Variants in GSG1L observed in about 807,000 individuals in gnomAD.
GSG1L encodes germ cell-specific gene 1-like protein.
GSG1L carries 24 observed loss-of-function variants against 42.1 expected under a neutral mutation model. The observed-to-expected ratio is 0.57, with a 90% CI of 0.41 to 0.80. GSG1L has a LOEUF of 0.80. Among genes scored for constraint, GSG1L ranks in the 30% least tolerant of loss-of-function variants. The pLI is 0.00. For synonymous variants in GSG1L, 215 were observed against 203.5 expected (o/e 1.06, Z -0.48); for missense variants, 445 against 472.2 (o/e 0.94, Z 0.53).
At chr16:27,943,389 C>T (rs2084822905) in intron 2 of GSG1L, among the ~76,000 whole-genome samples, 1 of 151,734 alleles carries the variant, frequency 6.6e-6, no homozygotes, top group Non-Finnish European at 1.5e-5. Flanking sequence ...CAGAATATTA[C>T]ATAACAATGA....
At chr16:27,873,395 G>A (rs994924080) in intron 3 of GSG1L, among the ~76,000 whole-genome samples, 1 of 152,200 alleles carries the variant, frequency 6.6e-6, no homozygotes. Context: ...ATCTGCCCCA[G>A]CTGCTGGTGG....
chr16:27,983,749 T>C (rs1052049051), intron 1 of GSG1L, among the ~76,000 whole-genome samples: 2 of 152,078 alleles, frequency 1.3e-5, no homozygotes, highest in African/African-American at 4.8e-5. Flanking sequence ...GAAAGAGAAA[T>C]CAAAATGGGG....
intron 2 of GSG1L, among the ~76,000 whole-genome samples, chr16:27,901,850 C>T (rs536406450): frequency 2.0e-5 from 3 of 152,242 alleles, no homozygotes; most frequent in African/African-American, 7.2e-5. Context: ...TCCCCTGTCC[C>T]TCCACACTCC....
intron 1 of GSG1L, among the ~76,000 whole-genome samples, chr16:27,993,999 G>A (rs1181380439): frequency 5.3e-5 from 8 of 152,254 alleles, no homozygotes; most frequent in South Asian, 2.1e-4. Context: ...GCATTCAACC[G>A]TAAAAACAGC....
intron 6 of GSG1L, among the ~76,000 whole-genome samples, chr16:27,800,060 A>G (rs1232942726): frequency 6.6e-6 from 1 of 152,106 alleles, no homozygotes; most frequent in Non-Finnish European, 1.5e-5. Flanking sequence ...CGAGCTCTCC[A>G]TGTGTCTCTG....
At chr16:28,011,812 GCTT>G (rs1343347490) in intron 1 of GSG1L, among the ~76,000 whole-genome samples, 2 of 152,180 alleles carry the variant, frequency 1.3e-5, no homozygotes, top group Admixed American at 6.5e-5. Flanking sequence ...AGGACAGAAA[GCTT>G]CTATTTCGCT....
At chr16:27,869,022 A>G (rs74015114) in intron 3 of GSG1L, among the ~76,000 whole-genome samples, 2,460 of 152,144 alleles carry the variant, frequency 0.016, 64 homozygotes, top group African/African-American at 0.056. Flanking sequence ...TAAGAGGCAG[A>G]GGGAGGAGGG....
intron 1 of GSG1L, 101 bp from the exon 2 acceptor site, chr16:27,963,304 C>T (rs1192580264): frequency 1.0e-5 from 10 of 973,914 alleles, no homozygotes; most frequent in Admixed American, 9.6e-5. Context: ...GCCAGTGTCT[C>T]TGACCCAAGC....
intron 1 of GSG1L, among the ~76,000 whole-genome samples, chr16:27,974,888 C>T (rs79873975): frequency 0.011 from 1,682 of 151,966 alleles, 26 homozygotes; most frequent in African/African-American, 0.039. Flanking sequence ...TGAAGACCGA[C>T]GAGTGAAGAA....
intron 1 of GSG1L, among the ~76,000 whole-genome samples, chr16:27,996,425 G>A (rs1371210449): frequency 7.2e-6 from 1 of 139,818 alleles, no homozygotes; most frequent in Admixed American, 7.3e-5. Context: ...CAAAGGACTG[G>A]AAATAACCTA....
intron 5 of GSG1L, chr16:27,823,925 G>A (rs747829122): frequency 4.4e-5 from 31 of 702,866 alleles, no homozygotes; most frequent in Non-Finnish European, 6.2e-5. Flanking sequence ...CCTGTAAAAT[G>A]GAGGTGACAA....
chr16:28,036,990 A>T (rs931472469), intron 1 of GSG1L, among the ~76,000 whole-genome samples: 9 of 151,920 alleles, frequency 5.9e-5, no homozygotes, highest in African/African-American at 2.2e-4. Context: ...CTTCACAGGG[A>T]CAACTTTATC....
chr16:27,942,568 G>C (rs746064624), intron 2 of GSG1L, among the ~76,000 whole-genome samples: 1 of 152,066 alleles, frequency 6.6e-6, no homozygotes, highest in Non-Finnish European at 1.5e-5. Context: ...CCTATAAATC[G>C]GTAAGAAAAA....
At chr16:27,843,066 G>A (rs776352308) in intron 4 of GSG1L, among the ~76,000 whole-genome samples, 1 of 152,166 alleles carries the variant, frequency 6.6e-6, no homozygotes, top group African/African-American at 2.4e-5. Context: ...CTGTTGCAAC[G>A]CTGTCTCAGC....
intron 4 of GSG1L, among the ~76,000 whole-genome samples, chr16:27,837,853 CTT>C (rs199778968): frequency 5.7e-5 from 8 of 141,100 alleles, no homozygotes; most frequent in Non-Finnish European, 9.3e-5. Flanking sequence ...TTAGTTGGGC[CTT>C]TTTTTTTTTT....
chr16:27,938,068 A>G (rs968448891), intron 2 of GSG1L, among the ~76,000 whole-genome samples: 4 of 152,084 alleles, frequency 2.6e-5, no homozygotes, highest in African/African-American at 9.7e-5. Context: ...GTCCAGTTGG[A>G]GCCGGGTCCA....
chr16:27,827,661 G>A (rs1185790805), intron 5 of GSG1L, among the ~76,000 whole-genome samples: 1 of 152,180 alleles, frequency 6.6e-6, no homozygotes, highest in Non-Finnish European at 1.5e-5. Context: ...CTCTCTGAGT[G>A]GCTTCATCAG....
intron 2 of GSG1L, among the ~76,000 whole-genome samples, chr16:27,954,747 C>T (rs1757658496): frequency 6.6e-6 from 1 of 152,174 alleles, no homozygotes; most frequent in Non-Finnish European, 1.5e-5. Context: ...TTGAACTCCC[C>T]AGCTCAAGCA....
chr16:27,860,852 G>A (rs1363160127), intron 3 of GSG1L, among the ~76,000 whole-genome samples: 1 of 152,220 alleles, frequency 6.6e-6, no homozygotes, highest in Non-Finnish European at 1.5e-5. Context: ...GCCAGTGGGA[G>A]GCTGGGCGTG....
Sources: allele counts gnomAD v4.1 joint callset (sites outside exome capture counted in the v4.1 genomes callset), GRCh38; gene constraint gnomAD v4.1.1; transcripts MANE v1.5; gene names NCBI Gene and HGNC (gene_info 2026-07-23, HGNC 2026-07-21).